Variants in EDIL3 observed in about 807,000 individuals in gnomAD.
EDIL3 encodes EGF like and discoidin domains 3, also known as EGF-like repeat and discoidin I-like domain-containing protein 3.
Under a neutral mutation model 67.4 loss-of-function variants are expected in EDIL3, and 37 were observed. The observed-to-expected ratio is 0.55, with a 90% CI of 0.42 to 0.72. EDIL3 has a LOEUF of 0.72. Ranked by LOEUF, EDIL3 falls within the 30% of genes least tolerant of loss-of-function variation. EDIL3 has a pLI of 0.00. For missense variants in EDIL3, 527 were observed against 586.3 expected, an observed-to-expected ratio of 0.90 and a Z score of 1.04; for synonymous variants, 195 against 196.3, an observed-to-expected ratio of 0.99 and a Z score of 0.05.
intron 2 of EDIL3, among the ~76,000 whole-genome samples, chr5:84,230,874 T>C (rs1371071634): frequency 6.6e-6 from 1 of 151,230 alleles, no homozygotes; most frequent in Non-Finnish European, 1.5e-5. Flanking sequence ...CACCGGAACC[T>C]GCATTTTAAA....
chr5:83,973,570 G>A (rs1440504348), intron 9 of EDIL3, among the ~76,000 whole-genome samples: 1 of 151,948 alleles, frequency 6.6e-6, no homozygotes, highest in Non-Finnish European at 1.5e-5. Flanking sequence ...AGACTTGCAG[G>A]TACTTCAAGT....
intron 4 of EDIL3, among the ~76,000 whole-genome samples, chr5:84,151,698 T>C (rs373024544): frequency 4.6e-5 from 7 of 152,168 alleles, no homozygotes; most frequent in African/African-American, 1.4e-4. Context: ...TTTGTTATCA[T>C]TGACTATCAG....
intron 1 of EDIL3, among the ~76,000 whole-genome samples, chr5:84,379,297 G>A (rs963712093): frequency 2.0e-5 from 3 of 152,126 alleles, no homozygotes; most frequent in African/African-American, 7.2e-5. Context: ...TGATGCAGAG[G>A]AGTCACATAT....
intron 9 of EDIL3, among the ~76,000 whole-genome samples, chr5:84,052,822 C>T (rs1746367247): frequency 6.6e-6 from 1 of 152,092 alleles, no homozygotes; most frequent in African/African-American, 2.4e-5. Flanking sequence ...GTCCTTAGGA[C>T]CTACAAAGAG....
intron 3 of EDIL3, among the ~76,000 whole-genome samples, chr5:84,194,349 C>A (rs139793932): frequency 6.6e-6 from 1 of 151,820 alleles, no homozygotes; most frequent in Non-Finnish European, 1.5e-5. Context: ...TAAGATCAAT[C>A]TGACTAGAGA....
Position 83,994,142 on chromosome 5 carries a change from C to T in EDIL3, c.1138-30782G>A, listed in dbSNP as rs185133041. 2.1e-3 allele frequency among the ~76,000 whole-genome samples: 323 copies of T among 152,214 alleles called. 1 individual carries two copies. The highest frequency in any genetic ancestry group is 7.4e-3 in the African/African-American group (309 of 41,552). ...TGTTTTTGTGTACATAGGCATTTTA[C>T]GCTTCCTTTATGATGCAAACAGTTC... On this transcript the variant is annotated intron_variant, in intron 9 of 10. Coordinates refer to ENST00000296591, the MANE Select transcript of EDIL3 (RefSeq NM_005711.5).
intron 6 of EDIL3, among the ~76,000 whole-genome samples, chr5:84,079,490 G>A (rs1318189936): frequency 6.6e-6 from 1 of 152,126 alleles, no homozygotes; most frequent in Admixed American, 6.5e-5. Flanking sequence ...CTGGTTGTTG[G>A]TGGGGAGAAT....
intron 5 of EDIL3, among the ~76,000 whole-genome samples, chr5:84,113,598 G>C (rs1271479169): frequency 6.6e-6 from 1 of 152,180 alleles, no homozygotes; most frequent in Non-Finnish European, 1.5e-5. Flanking sequence ...ATTCTCTGGA[G>C]TATGGCAAAG....
chr5:84,132,371 T>A (rs1377236137), intron 5 of EDIL3, among the ~76,000 whole-genome samples: 2 of 15,646 alleles, frequency 1.3e-4, no homozygotes, highest in Admixed American at 2.3e-3. Flanking sequence ...ATATTATATA[T>A]ATTATATATA....
chr5:84,263,370 C>G (rs1745274649), intron 1 of EDIL3, among the ~76,000 whole-genome samples: 1 of 152,142 alleles, frequency 6.6e-6, no homozygotes. Flanking sequence ...TAGATGAAGG[C>G]ACATCCACAG....
chr5:84,141,773 A>G (rs1298458833), intron 4 of EDIL3, among the ~76,000 whole-genome samples: 4 of 149,340 alleles, frequency 2.7e-5, no homozygotes, highest in African/African-American at 9.7e-5. Flanking sequence ...TCGGTATGTC[A>G]TACATAACCC....
intron 9 of EDIL3, among the ~76,000 whole-genome samples, chr5:84,036,642 A>T (rs1247509308): frequency 6.6e-6 from 1 of 152,226 alleles, no homozygotes. Flanking sequence ...GAGCATTGAT[A>T]TAGAGGTGAT....
chr5:84,063,532 ATTACT>A (rs1453412207), intron 8 of EDIL3, among the ~76,000 whole-genome samples: 1 of 152,174 alleles, frequency 6.6e-6, no homozygotes, highest in African/African-American at 2.4e-5. Flanking sequence ...GACTGTACAA[ATTACT>A]TTAATTCTTA....
intron 1 of EDIL3, among the ~76,000 whole-genome samples, chr5:84,310,387 T>C (rs987335023): frequency 6.6e-6 from 1 of 152,232 alleles, no homozygotes; most frequent in Admixed American, 6.5e-5. Flanking sequence ...AGCCCTGCTG[T>C]CATTATGTTA....
intron 9 of EDIL3, among the ~76,000 whole-genome samples, chr5:83,981,968 A>C (rs1304856002): frequency 1.3e-5 from 2 of 152,104 alleles, no homozygotes; most frequent in Non-Finnish European, 2.9e-5. Flanking sequence ...TTAAGCTACA[A>C]TATTTCATAA....
At chr5:83,996,096 C>T (rs1002615752) in intron 9 of EDIL3, among the ~76,000 whole-genome samples, 8 of 152,036 alleles carry the variant, frequency 5.3e-5, no homozygotes, top group Non-Finnish European at 7.4e-5. Context: ...AAGGAGAGCA[C>T]GGTGTTTCTG....
rs147698121 is a variant in EDIL3, at chr5:84,196,771, G to C, written c.227-16250C>G. On this transcript the variant is annotated intron_variant, in intron 3 of 10. Transcript: ENST00000296591. ...GATCAGCAGTTAGCCATGTACACAG[G>C]ATCATTTCAACACATAAGAAAATGC... is the stretch of plus-strand genomic sequence containing the variant. 9.5e-4 allele frequency: 144 copies of C among 152,004 alleles called. 1 individual carries two copies. The highest frequency in any genetic ancestry group is 3.3e-3 in the African/African-American group (139 of 41,494). 9.4% of individuals were successfully genotyped at this position (152,004 alleles called of 1,614,324 possible).
At chr5:84,374,524 G>A (rs1006992708) in intron 1 of EDIL3, among the ~76,000 whole-genome samples, 2 of 152,182 alleles carry the variant, frequency 1.3e-5, no homozygotes, top group Admixed American at 6.5e-5. Flanking sequence ...AATAATGCAT[G>A]TGGAGGTAAA....
intron 1 of EDIL3, among the ~76,000 whole-genome samples, chr5:84,312,979 C>T (rs1746437307): frequency 6.6e-6 from 1 of 152,042 alleles, no homozygotes; most frequent in Non-Finnish European, 1.5e-5. Context: ...GTAATTTTAA[C>T]AAATCTCAGA....
Sources: gnomAD v4.1 joint callset for allele counts (sites outside exome capture counted in the v4.1 genomes callset) on GRCh38, gnomAD v4.1.1 for gene constraint, MANE v1.5 for transcripts, NCBI Gene and HGNC (gene_info 2026-07-23, HGNC 2026-07-21) for gene names.